SLC9C2: variants seen among roughly 807,000 people sequenced by gnomAD.
SLC9C2 encodes sodium/hydrogen exchanger 11.
A neutral mutation model predicts 140.2 loss-of-function variants in SLC9C2; 75 were observed. That is an observed-to-expected ratio of 0.53 (90% confidence interval 0.44 to 0.65). SLC9C2 has a LOEUF of 0.65. SLC9C2 is among the 30% of genes least tolerant of loss of function. SLC9C2 has a pLI of 0.00. For synonymous variants in SLC9C2, 375 were observed against 420.9 expected (o/e 0.89, Z 1.34); for missense variants, 1,074 against 1,331.8 (o/e 0.81, Z 3.01).
At chr1:173,578,006 G>C (rs114186073) in intron 7 of SLC9C2, among the ~76,000 whole-genome samples, 23,377 of 151,976 alleles carry the variant, frequency 0.15, 5,958 homozygotes, top group African/African-American at 0.53. Context: ...TATAAAGAAG[G>C]GACAGTGGAA....
At chr1:173,558,278 A>G (rs1283402510) in intron 9 of SLC9C2, among the ~76,000 whole-genome samples, 1 of 152,226 alleles carries the variant, frequency 6.6e-6, no homozygotes, top group Non-Finnish European at 1.5e-5. Context: ...TATAATGTAT[A>G]TAATTATTTG....
chr1:173,536,077 C>T (rs1661933407), intron 14 of SLC9C2, 128 bp from the exon 15 acceptor site: 3 of 732,542 alleles, frequency 4.1e-6, no homozygotes, highest in Non-Finnish European at 6.1e-6. Flanking sequence ...CAGTCTCATG[C>T]CTCTGCATCC....
In SLC9C2 at chr1:173,537,083, A is replaced by G. The variant is rs757258221; in HGVS notation, c.1558-44T>C. 23 of 1,461,604 alleles carry G rather than the reference A, an allele frequency of 1.6e-5. No individual in the cohort carries two copies. In the South Asian group the frequency reaches 2.3e-4, roughly 14 times the overall value. The allele number at this position is 1,461,604 out of a possible 1,614,324, so 90.5% of individuals were successfully genotyped here. On this transcript the variant is annotated intron_variant, in intron 13 of 27. Transcript: ENST00000367714. ...AAGATTACAAAAGATCAAAACATAA[A>G]TGGAATGTATTCTTCTTAACCCTTA...
chr1:173,592,779 A>G (rs927373418), intron 4 of SLC9C2, among the ~76,000 whole-genome samples: 1 of 152,198 alleles, frequency 6.6e-6, no homozygotes, highest in Admixed American at 6.5e-5. Context: ...TTTTCTAGAT[A>G]TAGAATAATG....
Position 173,533,644 on chromosome 1 carries a change from A to G in SLC9C2, c.2128T>C (p.Tyr710His), listed in dbSNP as rs1423302524. The G allele has an allele frequency of 6.2e-7, 1 of 1,602,290 alleles. No homozygotes were observed. The highest frequency in any genetic ancestry group is 1.1e-5 in the South Asian group (1 of 89,644). ...ALIQLTVIMG[Y>H]LRIIRFLPLF... ...GGAAGAAACCTAATTATTCTTAAATATCCCATTATTACTGTAAGCTGTATA... is the reference window on the plus strand; with the variant it reads ...GGAAGAAACCTAATTATTCTTAAATGTCCCATTATTACTGTAAGCTGTATA... The change falls in exon 17 of 28, where the codon TAT becomes CAT. Residue 710 changes from tyrosine (Y) to histidine (H), a missense_variant. By Grantham distance (83) the Tyr-to-His change is moderately conservative (BLOSUM62 2). Transcript: ENST00000367714.
In SLC9C2 at chr1:173,532,188, G is replaced by A. The variant is rs140456419; in HGVS notation, c.2163+1421C>T. Among the ~76,000 whole-genome samples, 4 of 152,280 alleles carry A rather than the reference G, an allele frequency of 2.6e-5. No individual in the cohort carries two copies. The East Asian group carries it at 7.7e-4, about 29-fold the overall frequency. ...CTTAAAGATAACTATTAAATGTTGTGGAGAATGGGAAGTAGGTGGAGGAGT... is the reference window on the plus strand; with the variant it reads ...CTTAAAGATAACTATTAAATGTTGTAGAGAATGGGAAGTAGGTGGAGGAGT... On this transcript the variant is annotated intron_variant, in intron 17 of 27. Transcript: ENST00000367714.
chr1:173,591,964 T>C (rs1428805656), intron 4 of SLC9C2, among the ~76,000 whole-genome samples: 1 of 152,222 alleles, frequency 6.6e-6, no homozygotes, highest in Non-Finnish European at 1.5e-5. Flanking sequence ...AGAATGGTAT[T>C]TCCTAGCTTA....
At chr1:173,534,747 T>C (rs901684122) in intron 15 of SLC9C2, 65 bp from the exon 16 acceptor site, 3 of 1,253,202 alleles carry the variant, frequency 2.4e-6, no homozygotes, top group South Asian at 1.7e-5. Flanking sequence ...AAGTTCAATA[T>C]TTGTTTAAAC....
intron 10 of SLC9C2, among the ~76,000 whole-genome samples, chr1:173,556,960 T>C (rs1167375009): frequency 3.4e-5 from 5 of 148,640 alleles, no homozygotes; most frequent in Non-Finnish European, 7.4e-5. Flanking sequence ...GAAAAGAAAA[T>C]AGCATGTATG....
intron 9 of SLC9C2, among the ~76,000 whole-genome samples, chr1:173,561,210 T>C (rs1197891300): frequency 3.9e-5 from 6 of 152,222 alleles, no homozygotes; most frequent in Non-Finnish European, 8.8e-5. Flanking sequence ...GGAGAGATGC[T>C]GTGTTTTATG....
At position 173,509,846 on chromosome 1, in the gene SLC9C2, G is replaced by A. The variant is rs16846055; in HGVS notation, c.2908-147C>T. ...ATACTCTTGTCATTTAGAAGCATTT[G>A]TATTGTGAAAATGGTTGTTTGCTAA... is the stretch of plus-strand genomic sequence containing the variant. On this transcript the variant is annotated intron_variant, in intron 23 of 27. Coordinates refer to ENST00000367714, the MANE Select transcript of SLC9C2 (RefSeq NM_178527.4). 9,658 of 822,274 alleles carry A rather than the reference G, an allele frequency of 0.012. 782 individuals carry two copies. The African/African-American group carries it at 0.16, about 14-fold the overall frequency. The allele number at this position is 822,274 out of a possible 1,614,324, so 50.9% of individuals were successfully genotyped here. A position where few individuals can be genotyped will look rare whatever the true frequency, so the allele number is the denominator to read the frequency against.
In SLC9C2 at chr1:173,534,642, A is replaced by G; in HGVS notation, c.1816T>C (p.Ser606Pro). The G allele has an allele frequency of 2.6e-6, 4 of 1,549,364 alleles. No individual in the cohort carries two copies. Among genetic ancestry groups the G allele is most frequent in the Non-Finnish European group, 3.5e-6 (4 of 1,149,780 alleles). Residue 606 changes from serine to proline, a missense_variant, in exon 16 of 28, where the codon TCT (serine) becomes CCT (proline). Ser to Pro is a moderately conservative substitution (Grantham distance 74, BLOSUM62 -1). Coordinates refer to ENST00000367714, the MANE Select transcript of SLC9C2 (RefSeq NM_178527.4). The stretch of plus-strand genomic sequence containing the variant: ...TGTCCTGTATATTCAAATTCTTCAG[A>G]AAATACTATGTGAAATATAAAAGTC... ...FLTFIFHIVF[S>P]EEFEYTGQII...
chr1:173,586,529 G>GTA (rs199717335), intron 5 of SLC9C2, among the ~76,000 whole-genome samples: 1,761 of 152,244 alleles, frequency 0.012, 43 homozygotes, highest in African/African-American at 0.041. Context: ...CCATTACTGG[G>GTA]TATATACCCA....
intron 17 of SLC9C2, among the ~76,000 whole-genome samples, chr1:173,530,718 A>G (rs1204905763): frequency 6.6e-6 from 1 of 152,184 alleles, no homozygotes; most frequent in African/African-American, 2.4e-5. Context: ...AAATACCAGA[A>G]TTCCAATAGA....
At chr1:173,566,746 GTTCT>G (rs1358886761) in intron 9 of SLC9C2, among the ~76,000 whole-genome samples, 2 of 144,300 alleles carry the variant, frequency 1.4e-5, no homozygotes, top group Non-Finnish European at 3.0e-5. Context: ...TCCTTTTCTA[GTTCT>G]TTAAGATGTA....
intron 23 of SLC9C2, among the ~76,000 whole-genome samples, chr1:173,510,527 T>A (rs1421425407): frequency 6.6e-6 from 1 of 152,122 alleles, no homozygotes; most frequent in Non-Finnish European, 1.5e-5. Flanking sequence ...GATGTTCCCC[T>A]CCCTGTGTCC....
rs190644439 is a variant in SLC9C2, at chr1:173,523,315, T to C, written c.2640+654A>G. 5.5e-3 allele frequency among the ~76,000 whole-genome samples: 831 copies of C among 151,540 alleles called. 6 individuals carry two copies. Among genetic ancestry groups the C allele is most frequent in the African/African-American group, 0.018 (738 of 41,238 alleles). On this transcript the variant is annotated intron_variant, in intron 21 of 27. Transcript: ENST00000367714. ...TGAACCCGGGAGGCGGAGGTTGCAGTGAGCCGAGATCACACCACTGCACTC... is the reference window on the plus strand; with the variant it reads ...TGAACCCGGGAGGCGGAGGTTGCAGCGAGCCGAGATCACACCACTGCACTC...
intron 9 of SLC9C2, among the ~76,000 whole-genome samples, chr1:173,564,968 C>CTTTTTTTTTTTTTTTTTTTTT (rs564120430): frequency 2.6e-5 from 3 of 113,620 alleles, no homozygotes; most frequent in African/African-American, 6.7e-5. Flanking sequence ...TTTTCTTTTT[C>CTTTTTTTTTTTTTTTTTTTTT]TTTTTTTTTT....
chr1:173,592,561 G>A (rs1031322971), intron 4 of SLC9C2, among the ~76,000 whole-genome samples: 6 of 152,072 alleles, frequency 3.9e-5, no homozygotes, highest in African/African-American at 1.4e-4. Flanking sequence ...TCTCATTGTA[G>A]AGATCTTTCA....
Sources: allele counts gnomAD v4.1 joint callset (sites outside exome capture counted in the v4.1 genomes callset), GRCh38; gene constraint gnomAD v4.1.1; transcripts MANE v1.5; gene names NCBI Gene and HGNC (gene_info 2026-07-23, HGNC 2026-07-21).